Variants in OSBPL10 observed in about 807,000 individuals in gnomAD.
OSBPL10 encodes the protein oxysterol-binding protein-related protein 10.
In OSBPL10, 49 loss-of-function variants were observed where a neutral mutation model predicts 81.7. That is an observed-to-expected ratio of 0.60 (90% CI 0.48 to 0.76). The LOEUF (loss-of-function observed/expected upper bound fraction) is 0.76, where lower values mean the gene tolerates loss of function less well. OSBPL10 is among the 30% of genes least tolerant of loss of function. The pLI is 0.00. For missense variants in OSBPL10, 923 were observed against 987.8 expected, an observed-to-expected ratio of 0.93 and a Z score of 0.88; for synonymous variants, 419 against 383.6, an observed-to-expected ratio of 1.09 and a Z score of -1.08.
At chr3:31,917,863 A>T (rs1696802446) in intron 1 of OSBPL10, among the ~76,000 whole-genome samples, 1 of 151,694 alleles carries the variant, frequency 6.6e-6, no homozygotes, top group Non-Finnish European at 1.5e-5. Flanking sequence ...AGAGAAACAG[A>T]TACTTAAAAT....
At chr3:31,727,781 G>A (rs1364478871) in intron 6 of OSBPL10, among the ~76,000 whole-genome samples, 2 of 152,042 alleles carry the variant, frequency 1.3e-5, no homozygotes, top group Non-Finnish European at 2.9e-5. Context: ...ATCCCACACC[G>A]GATACATCCC....
At chr3:31,843,898 C>T (rs1372777372) in intron 3 of OSBPL10, among the ~76,000 whole-genome samples, 1 of 152,182 alleles carries the variant, frequency 6.6e-6, no homozygotes, top group East Asian at 1.9e-4. Context: ...ACCATTAGTT[C>T]TAAATCAAAC....
intron 1 of OSBPL10, among the ~76,000 whole-genome samples, chr3:32,075,162 G>A (rs1699863462): frequency 6.6e-6 from 1 of 152,174 alleles, no homozygotes. Context: ...CATTACAGAT[G>A]TATCACAAAC....
intron 2 of OSBPL10, among the ~76,000 whole-genome samples, chr3:32,022,933 C>A (rs1699373135): frequency 6.6e-6 from 1 of 151,990 alleles, no homozygotes; most frequent in East Asian, 1.9e-4. Context: ...AGAGTTCAGT[C>A]CTCAAGTCCC....
rs74320283 is a variant in OSBPL10 at position 31,674,233 on chromosome 3, G to T, written c.1727-3250C>A. ...GTGAGTGCTCGCATTAGTAGTTCTT[G>T]CAAGAGCTCCCCTGAGAGCTAGTTG... On this transcript the variant is annotated intron_variant, in intron 8 of 11. Coordinates refer to ENST00000396556, the MANE Select transcript of OSBPL10 (RefSeq NM_017784.5). 9.9e-5 allele frequency among the ~76,000 whole-genome samples: 15 copies of T among 152,172 alleles called. No homozygotes were observed. The East Asian group carries it at 2.9e-3, about 30-fold the overall frequency.
chr3:32,009,299 A>G (rs1376922082), intron 2 of OSBPL10, among the ~76,000 whole-genome samples: 1 of 152,210 alleles, frequency 6.6e-6, no homozygotes, highest in Non-Finnish European at 1.5e-5. Context: ...TAATGGGGAT[A>G]GGGAAAGAAG....
At chr3:32,004,447 T>C (rs937128266) in intron 2 of OSBPL10, among the ~76,000 whole-genome samples, 1 of 152,196 alleles carries the variant, frequency 6.6e-6, no homozygotes, top group African/African-American at 2.4e-5. Flanking sequence ...AAGACAACTG[T>C]TAAGCACTAG....
chr3:32,002,914 ACAGACAATCAGGT>A (rs1259639644), intron 2 of OSBPL10, among the ~76,000 whole-genome samples: 1 of 152,216 alleles, frequency 6.6e-6, no homozygotes, highest in African/African-American at 2.4e-5. Flanking sequence ...AATGGGGGTG[ACAGACAATCAGGT>A]CATTACAACA....
At chr3:31,958,118 G>T (rs1220301963) in intron 1 of OSBPL10, among the ~76,000 whole-genome samples, 2 of 152,134 alleles carry the variant, frequency 1.3e-5, no homozygotes, top group Admixed American at 1.3e-4. Flanking sequence ...TAACTCTCGG[G>T]CCACCAGAAT....
chr3:31,804,931 TCAAA>T (rs1006825777), intron 4 of OSBPL10, among the ~76,000 whole-genome samples: 31 of 152,346 alleles, frequency 2.0e-4, no homozygotes, highest in African/African-American at 6.7e-4. Flanking sequence ...TGATTTTAAT[TCAAA>T]CAAACAACAC....
intron 2 of OSBPL10, among the ~76,000 whole-genome samples, chr3:32,022,471 G>A (rs997567484): frequency 5.3e-5 from 8 of 152,136 alleles, no homozygotes; most frequent in Non-Finnish European, 8.8e-5. Context: ...AGGCCCATAG[G>A]TCATAGGTGG....
At chr3:31,967,779 T>C (rs1160453658) in intron 1 of OSBPL10, among the ~76,000 whole-genome samples, 1 of 152,210 alleles carries the variant, frequency 6.6e-6, no homozygotes, top group African/African-American at 2.4e-5. Context: ...AGTTAATCTC[T>C]GGAATTGCCT....
chr3:31,700,777 A>G (rs1374113480), intron 7 of OSBPL10, among the ~76,000 whole-genome samples: 1 of 152,218 alleles, frequency 6.6e-6, no homozygotes, highest in Non-Finnish European at 1.5e-5. Context: ...AGAATAAAAC[A>G]TGGGCATCTT....
At chr3:31,916,909 T>C (rs974975692) in intron 1 of OSBPL10, among the ~76,000 whole-genome samples, 7 of 152,254 alleles carry the variant, frequency 4.6e-5, no homozygotes, top group Non-Finnish European at 8.8e-5. Flanking sequence ...TAAATGTTTT[T>C]ATTGTAAGCC....
intron 1 of OSBPL10, among the ~76,000 whole-genome samples, chr3:32,057,915 A>G (rs958612292): frequency 1.3e-5 from 2 of 152,214 alleles, no homozygotes; most frequent in Non-Finnish European, 2.9e-5. Flanking sequence ...GAGGAAGGGC[A>G]ACCTATGCAA....
At chr3:32,050,535 G>A (rs761219268) in intron 1 of OSBPL10, among the ~76,000 whole-genome samples, 6 of 152,082 alleles carry the variant, frequency 3.9e-5, no homozygotes, top group Non-Finnish European at 7.4e-5. Context: ...ATACACTCAT[G>A]GTTAAGTCAT....
intron 1 of OSBPL10, among the ~76,000 whole-genome samples, chr3:31,900,414 C>G (rs944987679): frequency 9.9e-5 from 15 of 152,158 alleles, no homozygotes; most frequent in African/African-American, 3.6e-4. Flanking sequence ...AGCTCCAACC[C>G]TTGGTCCCTT....
chr3:31,688,005 C>T (rs1700836420), intron 7 of OSBPL10, among the ~76,000 whole-genome samples: 2 of 151,958 alleles, frequency 1.3e-5, no homozygotes, highest in South Asian at 4.1e-4. Flanking sequence ...GGCCATTTCA[C>T]TCTTCCCAAC....
intron 1 of OSBPL10, among the ~76,000 whole-genome samples, chr3:31,961,300 G>A (rs759347129): frequency 1.1e-4 from 16 of 152,088 alleles, no homozygotes; most frequent in Admixed American, 5.2e-4. Context: ...CTAAATTTGA[G>A]GGATCTGCAG....
Sources: gnomAD v4.1 joint callset for allele counts (sites outside exome capture counted in the v4.1 genomes callset) on GRCh38, gnomAD v4.1.1 for gene constraint, MANE v1.5 for transcripts, NCBI Gene and HGNC (gene_info 2026-07-23, HGNC 2026-07-21) for gene names.